The following GPHN variants were observed in gnomAD, a reference collection of about 807,000 sequenced individuals.
GPHN encodes gephyrin.
GPHN carries 17 observed loss-of-function variants against 95.5 expected under a neutral mutation model. That is an observed-to-expected ratio of 0.18 (90% CI 0.12 to 0.27). The LOEUF (loss-of-function observed/expected upper bound fraction) is 0.27. GPHN is among the 10% of genes least tolerant of loss of function. The pLI, the probability that GPHN is intolerant of heterozygous loss-of-function variation, is 1.00. For synonymous variants in GPHN, 320 were observed against 322.5 expected, an observed-to-expected ratio of 0.99 and a Z score of 0.08; for missense variants, 660 against 978.1, an observed-to-expected ratio of 0.67 and a Z score of 4.34.
At chr14:67,583,475 C>T in the GPHN span, among the ~76,000 whole-genome samples, 2 of 152,164 alleles carry the variant, frequency 1.3e-5, no homozygotes, top group African/African-American at 4.8e-5. Context: ...TGTCGGCTAC[C>T]AATTAACTGT....
chr14:66,703,992 A>G (rs1236916139), intron 2 of GPHN, among the ~76,000 whole-genome samples: 1 of 147,286 alleles, frequency 6.8e-6, no homozygotes, highest in Non-Finnish European at 1.5e-5. Flanking sequence ...AGAAAAAAAG[A>G]AAAAAAAAAG....
the GPHN span, among the ~76,000 whole-genome samples, chr14:67,455,764 C>G: frequency 1.3e-5 from 2 of 151,680 alleles, no homozygotes; most frequent in Non-Finnish European, 2.9e-5. Flanking sequence ...TCAATCATTC[C>G]ACACATATTA....
chr14:67,665,512 C>T, the GPHN span, among the ~76,000 whole-genome samples: 134 of 152,156 alleles, frequency 8.8e-4, no homozygotes, highest in Admixed American at 1.8e-3. Context: ...AGGCAATCCT[C>T]GACCTCAGCC....
At chr14:66,910,944 T>G (rs2065644459) in intron 5 of GPHN, among the ~76,000 whole-genome samples, 1 of 151,976 alleles carries the variant, frequency 6.6e-6, no homozygotes, top group Non-Finnish European at 1.5e-5. Flanking sequence ...GCTATGCATA[T>G]CAGCATGGAG....
the GPHN span, among the ~76,000 whole-genome samples, chr14:67,663,411 C>T: frequency 3.9e-5 from 6 of 152,082 alleles, no homozygotes; most frequent in Admixed American, 6.6e-5. Context: ...CGGTGACTCA[C>T]GCCTGTAATC....
intron 3 of GPHN, among the ~76,000 whole-genome samples, chr14:66,782,758 G>C (rs546706852): frequency 6.6e-6 from 1 of 152,228 alleles, no homozygotes; most frequent in Non-Finnish European, 1.5e-5. Flanking sequence ...GCTTGAACCC[G>C]GGAGGTGGAG....
intron 2 of GPHN, among the ~76,000 whole-genome samples, chr14:66,733,270 TCC>T (rs1419431964): frequency 2.6e-5 from 4 of 151,764 alleles, no homozygotes; most frequent in African/African-American, 9.7e-5. Context: ...TCCTGAGGCT[TCC>T]CCAACCATGC....
At chr14:67,533,475 G>C in the GPHN span, 4 of 152,010 alleles carry the variant, frequency 2.6e-5, no homozygotes, top group Non-Finnish European at 2.9e-5. Context: ...GCGCGCGGGG[G>C]ACGGCCCCTC....
intron 17 of GPHN, among the ~76,000 whole-genome samples, chr14:67,124,248 A>G (rs1478142584): frequency 6.6e-6 from 1 of 152,090 alleles, no homozygotes; most frequent in African/African-American, 2.4e-5. Context: ...TCTACTAAAA[A>G]TATGAAAATT....
chr14:67,093,372 T>C (rs577849015), intron 12 of GPHN, among the ~76,000 whole-genome samples: 1 of 152,248 alleles, frequency 6.6e-6, no homozygotes, highest in East Asian at 1.9e-4. Context: ...CCACAGCCAT[T>C]GTGACTTAGA....
the GPHN span, chr14:67,586,492 A>G: frequency 1.9e-6 from 2 of 1,029,466 alleles, no homozygotes; most frequent in Non-Finnish European, 2.7e-6. Context: ...TGCTGACCCA[A>G]CATTAGCTAC....
At chr14:67,573,796 T>C in the GPHN span, 2 of 1,603,448 alleles carry the variant, frequency 1.2e-6, no homozygotes, top group Non-Finnish European at 1.7e-6. This position sits in a 1 kb window ranked among gnomAD's most constrained non-coding sequence, Gnocchi z 4.8. Context: ...ATACTTTCTT[T>C]ACAGAGTGAT....
chr14:66,556,488 T>A (rs980110164), intron 1 of GPHN, among the ~76,000 whole-genome samples: 7 of 152,152 alleles, frequency 4.6e-5, no homozygotes, highest in African/African-American at 1.7e-4. Flanking sequence ...CAAAGAGGTA[T>A]GCCCAAAAAA....
At chr14:66,979,984 GCA>G (rs1216356960) in intron 9 of GPHN, among the ~76,000 whole-genome samples, 1 of 152,002 alleles carries the variant, frequency 6.6e-6, no homozygotes, top group Non-Finnish European at 1.5e-5. Context: ...AGCAGTCAGG[GCA>G]CACACAGCAT....
intron 1 of GPHN, among the ~76,000 whole-genome samples, chr14:66,620,654 C>T (rs2063251428): frequency 6.6e-6 from 1 of 152,116 alleles, no homozygotes; most frequent in African/African-American, 2.4e-5. Context: ...CACAGCCAAA[C>T]CATATCAGTC....
intron 10 of GPHN, among the ~76,000 whole-genome samples, chr14:67,035,711 A>G (rs2074388530): frequency 6.6e-6 from 1 of 151,834 alleles, no homozygotes; most frequent in African/African-American, 2.4e-5. Context: ...AAATCTAAAC[A>G]TATCTATAAC....
intron 20 of GPHN, 130 bp downstream of exon 20, chr14:67,165,356 A>G: frequency 1.5e-6 from 1 of 689,106 alleles, no homozygotes; most frequent in Non-Finnish European, 2.6e-6. Flanking sequence ...TAAACGACCA[A>G]TCACTTAACC....
At chr14:67,404,126 A>C in the GPHN span, among the ~76,000 whole-genome samples, 1 of 152,210 alleles carries the variant, frequency 6.6e-6, no homozygotes, top group Non-Finnish European at 1.5e-5. Context: ...CACTGCTTAT[A>C]ATAATGAAAA....
chr14:67,302,444 T>C, the GPHN span: 1 of 1,598,836 alleles, frequency 6.3e-7, no homozygotes. Context: ...GACTCTGTCA[T>C]CATTAGCCGG....
Sources: allele counts gnomAD v4.1 joint callset (sites outside exome capture counted in the v4.1 genomes callset), GRCh38; gene constraint gnomAD v4.1.1; non-coding constraint Gnocchi (gnomAD v3.1); transcripts MANE v1.5; gene names NCBI Gene and HGNC (gene_info 2026-07-23, HGNC 2026-07-21).